AKAP3: variants seen among roughly 807,000 people sequenced by gnomAD.
AKAP3 encodes the protein A-kinase anchor protein 3.
AKAP3 carries 27 observed loss-of-function variants against 57.2 expected under a neutral mutation model. The observed-to-expected ratio is 0.47, with a 90% CI of 0.35 to 0.65. The LOEUF (loss-of-function observed/expected upper bound fraction) is 0.65, where lower values mean the gene tolerates loss of function less well. AKAP3 is among the 30% of genes least tolerant of loss of function. The pLI is 0.01. For synonymous variants in AKAP3, 334 were observed against 392.3 expected (o/e 0.85, Z 1.76); for missense variants, 959 against 1,040.0 (o/e 0.92, Z 1.07).
intron 4 of AKAP3, 47 bp from the exon 5 acceptor site, chr12:4,628,852 T>A: frequency 6.5e-7 from 1 of 1,539,236 alleles, no homozygotes; most frequent in Non-Finnish European, 8.8e-7. Flanking sequence ...AGTAAAGATA[T>A]GGGATATTCA....
chr12:4,628,216 C>T lies in AKAP3; in HGVS notation c.686G>A (p.Gly229Asp), dbSNP rs1945449998. The change falls in exon 5 of 6, where the codon GGT becomes GAT. Residue 229 changes from glycine to aspartate, a missense_variant. Transcript: ENST00000228850. ...CTTAGAAGGAGGCTTGTCATCTGGA[C>T]CCTGTCTTTCTTTGGTGCTCTCCTT... ...KIKESTKERQGPDDKPPSKKS... is the reference protein window; with the variant it reads ...KIKESTKERQDPDDKPPSKKS... The T allele has an allele frequency of 1.2e-6, 2 of 1,613,980 alleles. No homozygotes were observed.
chr12:4,639,374 A>G (rs1430751023), intron 3 of AKAP3, among the ~76,000 whole-genome samples: 1 of 151,902 alleles, frequency 6.6e-6, no homozygotes, highest in African/African-American at 2.4e-5. Context: ...GGTTGGCGTT[A>G]AAAAATTTTT....
intron 1 of AKAP3, among the ~76,000 whole-genome samples, chr12:4,648,181 T>C (rs1004465515): frequency 2.0e-5 from 3 of 152,210 alleles, no homozygotes; most frequent in African/African-American, 7.2e-5. Context: ...TGGCTCTTTG[T>C]AGAACAATGC....
chr12:4,618,134 T>G (rs1216988512), intron 5 of AKAP3, among the ~76,000 whole-genome samples: 1 of 152,142 alleles, frequency 6.6e-6, no homozygotes, highest in Non-Finnish European at 1.5e-5. Flanking sequence ...TTCAAACATA[T>G]CCATAAATTG....
chr12:4,634,971 A>G (rs778644901), intron 4 of AKAP3, among the ~76,000 whole-genome samples: 8 of 152,172 alleles, frequency 5.3e-5, no homozygotes, highest in Non-Finnish European at 1.0e-4. Context: ...AAAAGCCCAA[A>G]TTAGTAAATT....
intron 4 of AKAP3, 56 bp from the exon 5 acceptor site, chr12:4,628,861 C>G: frequency 6.6e-7 from 1 of 1,518,600 alleles, no homozygotes; most frequent in Non-Finnish European, 8.9e-7. Context: ...ATGGGATATT[C>G]AAGACAACCT....
chr12:4,635,261 T>C (rs951407318), intron 4 of AKAP3: 3 of 308,982 alleles, frequency 9.7e-6, no homozygotes, highest in Non-Finnish European at 1.2e-5. Context: ...GAAGTCATAC[T>C]GGGCTGGTTA....
rs368230245 is a variant in AKAP3, at chr12:4,625,850, G to A, written c.2406+646C>T. On this transcript the variant is annotated intron_variant, in intron 5 of 5. Transcript: ENST00000228850. This position sits in a 1 kb window ranked among gnomAD's most constrained non-coding sequence, Gnocchi z 5.4. ...CAGACTCAAACCCTCCCTTTGGCGC[G>A]CAGTTCTGATGCTTACTGGGCACCT... 2.1e-4 allele frequency among the ~76,000 whole-genome samples: 32 copies of A among 152,184 alleles called. No individual in the cohort carries two copies. The East Asian group carries it at 2.3e-3, about 11-fold the overall frequency.
chr12:4,643,999 A>G (rs555941501), intron 2 of AKAP3, among the ~76,000 whole-genome samples: 2 of 152,230 alleles, frequency 1.3e-5, no homozygotes, highest in South Asian at 2.1e-4. Flanking sequence ...TATGTTTCTC[A>G]TATCCGTTTT....
chr12:4,621,293 A>C (rs1190945064), intron 5 of AKAP3, among the ~76,000 whole-genome samples: 1 of 152,168 alleles, frequency 6.6e-6, no homozygotes, highest in East Asian at 1.9e-4. Context: ...AAGAAAGAAA[A>C]ATATTTTAAA....
At position 4,640,172 on chromosome 12, in the gene AKAP3, G is replaced by A. The variant is rs956669806; in HGVS notation, c.-1+1727C>T. Among the ~76,000 whole-genome samples the A allele has an allele frequency of 4.6e-5, 7 of 152,050 alleles. No homozygotes were observed. The East Asian group carries it at 9.7e-4, about 21-fold the overall frequency. On this transcript the variant is annotated intron_variant, in intron 3 of 5. Coordinates refer to ENST00000228850, the MANE Select transcript of AKAP3 (RefSeq NM_001278309.2). ...ATTGATGGACATTTGGGTTGGTGGCGTTAAAAAATTTAAAAACAAACAAAA... is the reference window on the plus strand; with the variant it reads ...ATTGATGGACATTTGGGTTGGTGGCATTAAAAAATTTAAAAACAAACAAAA...
intron 1 of AKAP3, 166 bp downstream of exon 1, chr12:4,648,579 G>C (rs144668835): frequency 6.6e-6 from 1 of 152,410 alleles, no homozygotes; most frequent in Non-Finnish European, 1.5e-5. Flanking sequence ...GTCCCTATGA[G>C]AGAATGTGCT....
intron 5 of AKAP3, among the ~76,000 whole-genome samples, chr12:4,617,734 AGAGT>A (rs1242666881): frequency 2.0e-5 from 3 of 149,110 alleles, no homozygotes; most frequent in Non-Finnish European, 4.5e-5. Context: ...CCTGAGCAAC[AGAGT>A]GAGATTCTGT....
At chr12:4,617,743 T>G (rs1591814493) in intron 5 of AKAP3, among the ~76,000 whole-genome samples, 2 of 135,424 alleles carry the variant, frequency 1.5e-5, no homozygotes, top group African/African-American at 5.4e-5. Context: ...CAGAGTGAGA[T>G]TCTGTCTCAA....
At position 4,615,615 on chromosome 12, in the gene AKAP3, G is replaced by T; in HGVS notation, c.*124C>A. 1 of 1,213,922 alleles carries T rather than the reference G, an allele frequency of 8.2e-7. No individual in the cohort carries two copies. The highest frequency in any genetic ancestry group is 1.1e-6 in the Non-Finnish European group (1 of 874,554). 75.2% of individuals were successfully genotyped at this position (1,213,922 alleles called of 1,614,324 possible). A position where few individuals can be genotyped will look rare whatever the true frequency, so the allele number is the denominator to read the frequency against. On this transcript the variant is annotated 3_prime_UTR_variant, in exon 6 of 6. Transcript: ENST00000228850. ...ACAAGATGACATGTCTTTGATGAGA[G>T]TGGTGTGAAGATAATGTTAGGGCTC...
In AKAP3 at chr12:4,628,274, G is replaced by T. The variant is rs1945450982; in HGVS notation, c.628C>A (p.Pro210Thr). ...AAAGTGGACTTGTATTTCAAATTTGGGGGACTTTGTGATGATCCCGAGACT... is the reference window on the plus strand; with the variant it reads ...AAAGTGGACTTGTATTTCAAATTTGTGGGACTTTGTGATGATCCCGAGACT... ...DRVSGSSQSP[P>T]NLKYKSTLKI... is the part of the protein sequence containing the mutation. The change falls in exon 5 of 6, where the codon CCA becomes ACA. Residue 210 changes from proline (P) to threonine (T), a missense_variant. By Grantham distance (38) the Pro-to-Thr change is conservative (BLOSUM62 -1). Coordinates refer to ENST00000228850, the MANE Select transcript of AKAP3 (RefSeq NM_001278309.2). 7 of 1,613,978 alleles carry T rather than the reference G, an allele frequency of 4.3e-6. No homozygotes were observed. The highest frequency in any genetic ancestry group is 1.1e-5 in the South Asian group (1 of 91,056).
chr12:4,628,870 C>G, intron 4 of AKAP3, 65 bp from the exon 5 acceptor site: 1 of 1,498,674 alleles, frequency 6.7e-7, no homozygotes, highest in South Asian at 1.4e-5. Flanking sequence ...TCAAGACAAC[C>G]TCAAAGTTCA....
intron 5 of AKAP3, among the ~76,000 whole-genome samples, chr12:4,619,574 C>CA (rs59073106): frequency 0.041 from 6,170 of 151,466 alleles, 311 homozygotes; most frequent in South Asian, 0.11. Flanking sequence ...ACAACAACAA[C>CA]AAAAAAACAT....
In AKAP3 at chr12:4,626,597, G is replaced by C; in HGVS notation, c.2305C>G (p.Gln769Glu). Residue 769 changes from glutamine to glutamate, a missense_variant, in exon 5 of 6, where the codon CAG becomes GAG. Coordinates refer to ENST00000228850, the MANE Select transcript of AKAP3 (RefSeq NM_001278309.2). ...VSNHNLTDTV[Q>E]NKQLQAVLQW... ...AGGACGGCTTGGAGTTGCTTGTTCT[G>C]AACTGTGTCCGTTAGGTTGTGATTG... is the stretch of plus-strand genomic sequence containing the variant. 8 of 1,614,198 alleles carry C rather than the reference G, an allele frequency of 5.0e-6. No individual in the cohort carries two copies. Among genetic ancestry groups the C allele is most frequent in the Non-Finnish European group, 6.8e-6 (8 of 1,180,020 alleles).
Sources: allele counts gnomAD v4.1 joint callset (sites outside exome capture counted in the v4.1 genomes callset), GRCh38; gene constraint gnomAD v4.1.1; non-coding constraint Gnocchi (gnomAD v3.1); transcripts MANE v1.5; gene names NCBI Gene and HGNC (gene_info 2026-07-23, HGNC 2026-07-21).